MED12: variants seen among roughly 807,000 people sequenced by gnomAD.
The protein encoded by MED12 is mediator complex subunit 12.
In MED12, 10 loss-of-function variants were observed where a neutral mutation model predicts 177.7. That is an observed-to-expected ratio of 0.06 (90% CI 0.03 to 0.10). The LOEUF is 0.10. MED12 is among the 10% of genes least tolerant of loss of function. MED12 has a pLI of 1.00. For synonymous variants in MED12, 641 were observed against 678.4 expected, an observed-to-expected ratio of 0.94 and a Z score of 0.86; for missense variants, 867 against 1,780.8, an observed-to-expected ratio of 0.49 and a Z score of 9.23.
In MED12 at chrX:71,142,062, T is replaced by C. The variant is rs1222008742; in HGVS notation, c.6490+98T>C. ...AAACGATAGCTTCAGGCCCAGGTTA[T>C]GAGAGGAGGCATTCCATTCCATCCC... On this transcript the variant is annotated intron_variant, in intron 44 of 44. Transcript: ENST00000374080. The C allele has an allele frequency of 7.2e-6, 8 of 1,103,614 alleles. No individual in the cohort carries two copies. The Admixed American group carries it at 1.8e-4, about 25-fold the overall frequency. The allele number at this position is 1,103,614 out of a possible 1,213,427, so 91.0% of individuals were successfully genotyped here.
At chrX:71,137,510 G>A (rs1474731465) in intron 39 of MED12, 48 bp from the exon 40 acceptor site, 1 of 1,166,631 alleles carries the variant, frequency 8.6e-7, no homozygotes, top group Non-Finnish European at 1.2e-6. Context: ...GAGATGAGAT[G>A]GCAGCAAGCA....
Position 71,122,189 on chromosome X carries a change from C to A in MED12, c.1102-11C>A, listed in dbSNP as rs761439763. The A allele has an allele frequency of 3.3e-6, 4 of 1,211,636 alleles. No homozygotes were observed. Among genetic ancestry groups the A allele is most frequent in the Non-Finnish European group, 4.5e-6 (4 of 895,293 alleles). ...GTGAATGAGTTGGACTTAGCTGTTT[C>A]TATCTGGTAGACCATCCTCCTGTGC... On this transcript the variant is annotated splice_polypyrimidine_tract_variant and intron_variant, in intron 7 of 44. Coordinates refer to ENST00000374080, the MANE Select transcript of MED12 (RefSeq NM_005120.3).
rs2147813471 is a variant in MED12, at chrX:71,132,158, G to A, written c.4205G>A (p.Ser1402Asn). ...QSAETGSSSGSTASNMPSSSK... is the reference protein window; with the variant it reads ...QSAETGSSSGNTASNMPSSSK... ...GCAGAGACAGGGTCATCTTCTGGAA[G>A]TACTGCAAGCAACATGCCCAGCAGC... Residue 1402 changes from serine (S) to asparagine (N), a missense_variant, in exon 30 of 45, where the codon AGT becomes AAT. This residue lies in a region of MED12 where 46 missense variants were observed against 71.7 expected (regional missense o/e 0.64). Transcript: ENST00000374080. The A allele has an allele frequency of 8.3e-7, 1 of 1,211,114 alleles. No homozygotes were observed. Among genetic ancestry groups the A allele is most frequent in the Non-Finnish European group, 1.1e-6 (1 of 894,607 alleles).
chrX:71,127,492 T>A (rs2147799645), intron 21 of MED12, 25 bp downstream of exon 21: 1 of 1,190,396 alleles, frequency 8.4e-7, no homozygotes, highest in South Asian at 1.8e-5. Context: ...AGGTAAGGGG[T>A]AGCGAGTGGG....
chrX:71,122,120 C>T lies in MED12; in HGVS notation c.1102-80C>T. ...GTCAGAATAACTTTGGATCTGGAAT[C>T]TACGGGTTGGGTCTTAGAATGGGAT... On this transcript the variant is annotated intron_variant, in intron 7 of 44. Coordinates refer to ENST00000374080, the MANE Select transcript of MED12 (RefSeq NM_005120.3). The T allele has an allele frequency of 4.3e-6, 5 of 1,149,650 alleles. No individual in the cohort carries two copies. The South Asian group carries it at 9.0e-5, about 21-fold the overall frequency. The allele number at this position is 1,149,650 out of a possible 1,213,427, so 94.7% of individuals were successfully genotyped here. A position where few individuals can be genotyped will look rare whatever the true frequency, so the allele number is the denominator to read the frequency against.
chrX:71,130,077 A>G lies in MED12; in HGVS notation c.3910A>G (p.Ser1304Gly), dbSNP rs1218645173. The G allele has an allele frequency of 8.3e-7, 1 of 1,208,672 alleles. No individual in the cohort carries two copies. The highest frequency in any genetic ancestry group is 1.1e-6 in the Non-Finnish European group (1 of 894,403). Residue 1304 changes from serine (S) to glycine (G), a missense_variant, in exon 28 of 45, where the codon AGC becomes GGC. Physicochemically the swap from Ser to Gly is moderately conservative, Grantham distance 56 (BLOSUM62 0). Transcript: ENST00000374080. ...TTGCCTTAAGTCTCTGTGTGAGGAC[A>G]GCAATGACCTGCAAGACCCAGTGTT... ...ERCLKSLCED[S>G]NDLQDPVLSS...
intron 32 of MED12, 56 bp downstream of exon 32, chrX:71,133,012 G>T: frequency 9.4e-7 from 1 of 1,060,677 alleles, no homozygotes; most frequent in South Asian, 2.0e-5. Flanking sequence ...ATGCACCTAA[G>T]GGGTTACTCT....
At chrX:71,128,766 A>G (rs2092309313) in intron 24 of MED12, 48 bp downstream of exon 24, 1 of 1,186,229 alleles carries the variant, frequency 8.4e-7, no homozygotes, top group African/African-American at 1.8e-5. Flanking sequence ...CTCAAATTTC[A>G]ATACACACTG....
chrX:71,137,019 A>G lies in MED12; in HGVS notation c.5541A>G (p.Pro1847=). 1.7e-6 allele frequency: 2 copies of G among 1,195,325 alleles called. No homozygotes were observed. Among genetic ancestry groups the G allele is most frequent in the Non-Finnish European group, 2.3e-6 (2 of 887,973 alleles). The change falls in exon 38 of 45, where the codon CCA becomes CCG. Residue 1847 remains proline, a synonymous_variant. Transcript: ENST00000374080. ...GSIGLYTQNQ[P]LPAGGPRVDP... ...TAGGCCTGTACACCCAGAACCAGCC[A>G]CTACCTGCAGGTGAGTGCCAGCCAC...
At chrX:71,137,139 G>C in intron 38 of MED12, 48 bp from the exon 39 acceptor site, 5 of 1,199,639 alleles carry the variant, frequency 4.2e-6, no homozygotes, top group South Asian at 1.8e-5. Flanking sequence ...CACTGAGCAA[G>C]AGACAGAGGG....
Position 71,124,264 on chromosome X carries a change from C to T in MED12, c.1850C>T (p.Thr617Ile). The T allele has an allele frequency of 1.7e-6, 2 of 1,210,395 alleles. No individual in the cohort carries two copies. The highest frequency in any genetic ancestry group is 2.2e-6 in the Non-Finnish European group (2 of 894,201). ...TTCTCCCACAACATGTATACTTGCACTCTCATCTCCCGAGGGGACCTTGCC... is the reference window on the plus strand; with the variant it reads ...TTCTCCCACAACATGTATACTTGCATTCTCATCTCCCGAGGGGACCTTGCC... ...DVFSHNMYTC[T>I]LISRGDLAFG... Residue 617 changes from threonine (T) to isoleucine (I), a missense_variant, in exon 13 of 45, where the codon ACT (threonine) becomes ATT (isoleucine). Thr to Ile is a moderately conservative substitution (Grantham distance 89). Around this residue, in one of 14 missense-constraint regions of MED12, gnomAD observed 309 missense variants for 556.3 expected, o/e 0.56. Coordinates refer to ENST00000374080, the MANE Select transcript of MED12 (RefSeq NM_005120.3).
rs777417480 is a variant in MED12 at position 71,136,671 on chromosome X, G to C, written c.5400+16G>C. The C allele has an allele frequency of 8.3e-7, 1 of 1,206,559 alleles. No individual in the cohort carries two copies. The highest frequency in any genetic ancestry group is 3.0e-5 in the East Asian group (1 of 33,706). On this transcript the variant is annotated intron_variant, in intron 37 of 44. Transcript: ENST00000374080. Reference sequence around the variant, plus strand: ...CAAGACAGAGGTGAGCGCCTCCCCCGTGACAGTTCTCCCACAGCCTCTCAC... The same window carrying C: ...CAAGACAGAGGTGAGCGCCTCCCCCCTGACAGTTCTCCCACAGCCTCTCAC...
intron 29 of MED12, 124 bp downstream of exon 29, chrX:71,131,745 A>T (rs1458526420): frequency 3.0e-6 from 2 of 675,456 alleles, no homozygotes; most frequent in African/African-American, 4.3e-5. Context: ...ATAAGAGGGG[A>T]TGGGAAAATG....
Position 71,127,336 on chromosome X carries a change from G to A in MED12, c.2850G>A (p.Gly950=), listed in dbSNP as rs2147799254. The A allele has an allele frequency of 8.3e-7, 1 of 1,211,372 alleles. No individual in the cohort carries two copies. Among genetic ancestry groups the A allele is most frequent in the Non-Finnish European group, 1.1e-6 (1 of 895,341 alleles). The change falls in exon 21 of 45, where the codon GGG becomes GGA. Residue 950 remains glycine (G), a splice_region_variant and synonymous_variant. Coordinates refer to ENST00000374080, the MANE Select transcript of MED12 (RefSeq NM_005120.3). ...CTCCCAACCTTGCTTCTTCATGCAGGCTGTGTGGCGTCGTGAAGCATGGGA... is the reference window on the plus strand; with the variant it reads ...CTCCCAACCTTGCTTCTTCATGCAGACTGTGTGGCGTCGTGAAGCATGGGA... ...NQDQMAQVFE[G]LCGVVKHGMN...
At chrX:71,120,830 G>A (rs1015366471) in intron 4 of MED12, 141 bp from the exon 5 acceptor site, 14 of 699,216 alleles carry the variant, frequency 2.0e-5, no homozygotes, top group East Asian at 1.1e-4. Flanking sequence ...GGCTGGTCTC[G>A]AACTCCTGAC....
chrX:71,125,002 G>A lies in MED12; in HGVS notation c.2082G>A (p.Glu694=). The change falls in exon 15 of 45, where the codon GAG becomes GAA. Residue 694 remains glutamate (E), a synonymous_variant. Transcript: ENST00000374080. ...FSLFSPTMPC[E]GKGSPSPEKP... ...TGTTCTCCCCTACTATGCCCTGTGA[G>A]GGGAAGGGCAGTCCATCCCCTGAGA... 3 of 1,210,865 alleles carry A rather than the reference G, an allele frequency of 2.5e-6. No individual in the cohort carries two copies. The highest frequency in any genetic ancestry group is 3.4e-6 in the Non-Finnish European group (3 of 895,205).
intron 36 of MED12, 76 bp downstream of exon 36, chrX:71,135,329 A>G: frequency 9.1e-7 from 1 of 1,093,096 alleles, no homozygotes. Flanking sequence ...TCAGCTTTGT[A>G]GCTCCAACAG....
chrX:71,119,285 T>G (rs2092283196), intron 1 of MED12, 88 bp from the exon 2 acceptor site: 1 of 646,848 alleles, frequency 1.5e-6, no homozygotes. Flanking sequence ...CCCTTTCACC[T>G]TGTTCCTTCT....
intron 11 of MED12, 36 bp downstream of exon 11, chrX:71,123,262 A>G (rs1320306287): frequency 3.3e-6 from 4 of 1,205,453 alleles, no homozygotes; most frequent in South Asian, 1.8e-5. Context: ...AGATTGGCCA[A>G]TGGGAAGGAA....
Sources: gnomAD v4.1 joint callset for allele counts on GRCh38, gnomAD v4.1.1 for gene constraint, gnomAD v4.1.1 regional missense constraint, MANE v1.5 for transcripts, NCBI Gene and HGNC (gene_info 2026-07-23, HGNC 2026-07-21) for gene names.